The following MMS22L variants were observed in gnomAD, a reference collection of about 807,000 sequenced individuals.
The protein encoded by MMS22L is MMS22 like, DNA repair protein, also known as protein MMS22-like.
MMS22L carries 74 observed loss-of-function variants against 159.1 expected under a neutral mutation model. The ratio of observed to expected loss-of-function variants is 0.47; its 90% CI spans 0.39 to 0.56. MMS22L has a LOEUF of 0.56. MMS22L is among the 20% of genes least tolerant of loss of function. The pLI is 0.00. For synonymous variants in MMS22L, 517 were observed against 506.9 expected, an observed-to-expected ratio of 1.02 and a Z score of -0.27; for missense variants, 1,351 against 1,422.1, an observed-to-expected ratio of 0.95 and a Z score of 0.80.
intron 14 of MMS22L, among the ~76,000 whole-genome samples, chr6:97,212,333 A>C (rs564658690): frequency 1.4e-4 from 22 of 152,332 alleles, no homozygotes; most frequent in Middle Eastern, 3.4e-3. Context: ...GAAAAATAAA[A>C]GGGGACAGAG....
At chr6:97,200,572 A>AT (rs1455092021) in intron 14 of MMS22L, among the ~76,000 whole-genome samples, 1 of 152,130 alleles carries the variant, frequency 6.6e-6, no homozygotes, top group Non-Finnish European at 1.5e-5. Flanking sequence ...GCGTAGCACC[A>AT]TTGATAACAT....
chr6:97,148,571 A>C (rs1801028520), intron 24 of MMS22L, among the ~76,000 whole-genome samples: 1 of 152,086 alleles, frequency 6.6e-6, no homozygotes, highest in African/African-American at 2.4e-5. Flanking sequence ...ATAGTTTAAA[A>C]ATAAAAAATA....
chr6:97,211,749 G>A (rs1240230843), intron 14 of MMS22L, among the ~76,000 whole-genome samples: 1 of 152,068 alleles, frequency 6.6e-6, no homozygotes, highest in Non-Finnish European at 1.5e-5. Context: ...GCGGCAAAGT[G>A]TATCAATAAC....
At chr6:97,189,920 A>G (rs1441504464) in intron 14 of MMS22L, among the ~76,000 whole-genome samples, 3 of 152,230 alleles carry the variant, frequency 2.0e-5, no homozygotes, top group Non-Finnish European at 4.4e-5. Flanking sequence ...TAAAGAAATC[A>G]GTGAGTGACA....
At chr6:97,149,740 T>C in intron 24 of MMS22L, 113 bp downstream of exon 24, 1 of 1,107,464 alleles carries the variant, frequency 9.0e-7, no homozygotes, top group South Asian at 2.0e-5. Context: ...ATTTTTCATC[T>C]CAAAAGAACA....
chr6:97,270,029 T>C (rs1367148123), intron 6 of MMS22L, 37 bp from the exon 7 acceptor site: 2 of 1,517,298 alleles, frequency 1.3e-6, no homozygotes, highest in Admixed American at 1.7e-5. Context: ...TGAGAATTCA[T>C]TAATATTTTA....
At position 97,272,778 on chromosome 6, in the gene MMS22L, G is replaced by T. The variant is rs1815874787; in HGVS notation, c.532C>A (p.Leu178Ile). 1 of 1,613,998 alleles carries T rather than the reference G, an allele frequency of 6.2e-7. No homozygotes were observed. Among genetic ancestry groups the T allele is most frequent in the Non-Finnish European group, 8.5e-7 (1 of 1,179,918 alleles). ...SVLIDELHGL[L>I]LYIGHLSELP... ...TCAGATAGGTGTCCAATATACAAGA[G>T]TAATCCATGAAGCTCATCAATCAAC... The change falls in exon 6 of 25, where the codon CTC (leucine) becomes ATC (isoleucine). Residue 178 changes from leucine to isoleucine, a missense_variant. Transcript: ENST00000683635.
chr6:97,186,755 C>T (rs931606727), intron 14 of MMS22L, 65 bp from the exon 15 acceptor site: 11 of 1,227,124 alleles, frequency 9.0e-6, no homozygotes, highest in Non-Finnish European at 1.1e-5. Context: ...TCTTAAAGTA[C>T]ATTTTGAGCT....
chr6:97,199,836 T>C (rs1040952789), intron 14 of MMS22L, among the ~76,000 whole-genome samples: 3 of 152,134 alleles, frequency 2.0e-5, no homozygotes, highest in Non-Finnish European at 4.4e-5. Flanking sequence ...ACCATTGTAA[T>C]ATAGTGCTAA....
At chr6:97,187,618 A>G (rs961647336) in intron 14 of MMS22L, among the ~76,000 whole-genome samples, 2 of 152,184 alleles carry the variant, frequency 1.3e-5, no homozygotes, top group African/African-American at 2.4e-5. Context: ...AAAATAACCA[A>G]TGGAAATTAT....
intron 14 of MMS22L, among the ~76,000 whole-genome samples, chr6:97,213,545 A>G (rs529326553): frequency 3.9e-5 from 6 of 152,354 alleles, no homozygotes; most frequent in South Asian, 2.1e-4. Context: ...AATATTCTCC[A>G]AAGTGTTCAT....
chr6:97,216,174 T>C (rs751663743), intron 14 of MMS22L, among the ~76,000 whole-genome samples: 1 of 152,176 alleles, frequency 6.6e-6, no homozygotes, highest in Non-Finnish European at 1.5e-5. Context: ...TACTCTGATG[T>C]TTTCTACAAA....
chr6:97,239,444 C>T (rs1271320646), intron 11 of MMS22L, among the ~76,000 whole-genome samples: 3 of 152,100 alleles, frequency 2.0e-5, no homozygotes, highest in Admixed American at 6.6e-5. Context: ...GTAGAACACA[C>T]GTTTACAATT....
chr6:97,155,954 GAA>G (rs1801792519), intron 22 of MMS22L, among the ~76,000 whole-genome samples: 2 of 152,074 alleles, frequency 1.3e-5, no homozygotes, highest in Non-Finnish European at 2.9e-5. Context: ...CCAACAGTGT[GAA>G]AGTGTTCCTA....
intron 14 of MMS22L, among the ~76,000 whole-genome samples, chr6:97,213,654 A>G (rs1278131826): frequency 3.3e-5 from 5 of 152,330 alleles, no homozygotes. Flanking sequence ...TTTGCAAGAT[A>G]CATAAATTTG....
intron 14 of MMS22L, among the ~76,000 whole-genome samples, chr6:97,213,580 G>A (rs1010260018): frequency 2.0e-5 from 3 of 152,102 alleles, no homozygotes; most frequent in Admixed American, 1.3e-4. Flanking sequence ...CAGACGAAGG[G>A]TAGGGTTTAG....
chr6:97,197,068 T>TA (rs1175868677), intron 14 of MMS22L, among the ~76,000 whole-genome samples: 1 of 152,012 alleles, frequency 6.6e-6, no homozygotes, highest in African/African-American at 2.4e-5. Flanking sequence ...ACAAAAAAAA[T>TA]AAAAATTTTC....
intron 10 of MMS22L, among the ~76,000 whole-genome samples, chr6:97,247,250 A>G (rs1812761925): frequency 6.6e-6 from 1 of 152,206 alleles, no homozygotes. Flanking sequence ...AGGCACTTAA[A>G]ACAATTCCAC....
At chr6:97,155,578 C>T (rs577517279) in intron 22 of MMS22L, among the ~76,000 whole-genome samples, 3 of 152,218 alleles carry the variant, frequency 2.0e-5, no homozygotes, top group South Asian at 4.2e-4. Flanking sequence ...GTTTTCTCTT[C>T]TTGTGTTAGT....
Sources: gnomAD v4.1 joint callset for allele counts (sites outside exome capture counted in the v4.1 genomes callset) on GRCh38, gnomAD v4.1.1 for gene constraint, MANE v1.5 for transcripts, NCBI Gene and HGNC (gene_info 2026-07-23, HGNC 2026-07-21) for gene names.